ANO2: variants seen among roughly 807,000 people sequenced by gnomAD.
ANO2 encodes the protein anoctamin-2.
In ANO2, 101 loss-of-function variants were observed where a neutral mutation model predicts 124.2. That is an observed-to-expected ratio of 0.81 (90% CI 0.69 to 0.96). The LOEUF is 0.96. Ranked by LOEUF, ANO2 falls within the 40% of genes least tolerant of loss-of-function variation. ANO2 has a pLI of 0.00. For synonymous variants in ANO2, 486 were observed against 482.5 expected (o/e 1.01, Z -0.09); for missense variants, 1,293 against 1,274.5 (o/e 1.01, Z -0.22).
At chr12:5,808,173 C>G (rs1475911424) in intron 7 of ANO2, among the ~76,000 whole-genome samples, 1 of 152,132 alleles carries the variant, frequency 6.6e-6, no homozygotes, top group Non-Finnish European at 1.5e-5. Context: ...GTGAAGTTAC[C>G]CTGAGACCAA....
At chr12:5,815,527 A>C (rs1953579112) in intron 7 of ANO2, among the ~76,000 whole-genome samples, 1 of 152,172 alleles carries the variant, frequency 6.6e-6, no homozygotes, top group South Asian at 2.1e-4. Flanking sequence ...GACATGTTCT[A>C]CATAAGCAAG....
intron 4 of ANO2, among the ~76,000 whole-genome samples, chr12:5,840,223 T>G (rs1169409799): frequency 6.6e-6 from 1 of 152,154 alleles, no homozygotes; most frequent in African/African-American, 2.4e-5. Context: ...CATAAATAAT[T>G]TTTAAAATAT....
At chr12:5,934,368 T>G (rs1942559936) in intron 1 of ANO2, among the ~76,000 whole-genome samples, 2 of 152,228 alleles carry the variant, frequency 1.3e-5, no homozygotes, top group Admixed American at 6.5e-5. Flanking sequence ...CCTCACCCTT[T>G]AAAAAGGTCT....
intron 9 of ANO2, among the ~76,000 whole-genome samples, chr12:5,804,251 A>C (rs1212325723): frequency 6.6e-6 from 1 of 152,228 alleles, no homozygotes; most frequent in East Asian, 1.9e-4. Context: ...ACATACCACT[A>C]AAACTACAGA....
intron 1 of ANO2, among the ~76,000 whole-genome samples, chr12:5,923,180 A>ACACACC (rs1941872003): frequency 2.1e-5 from 1 of 46,704 alleles, no homozygotes. Context: ...ACACGCACAC[A>ACACACC]CACATACACA....
At position 5,711,241 on chromosome 12, in the gene ANO2, G is replaced by T. The variant is rs184249961; in HGVS notation, c.1545+21279C>A. On this transcript the variant is annotated intron_variant, in intron 14 of 24. Coordinates refer to ENST00000682330, the MANE Select transcript of ANO2 (RefSeq NM_001364791.2). Reference sequence around the variant, plus strand: ...TAAGTCATAGGGGCAGATCCCTCAGGAATGTCTTGGTGCCATTCTCATGGT... The same window carrying T: ...TAAGTCATAGGGGCAGATCCCTCAGTAATGTCTTGGTGCCATTCTCATGGT... Among the ~76,000 whole-genome samples, 5 of 152,234 alleles carry T rather than the reference G, an allele frequency of 3.3e-5. No individual in the cohort carries two copies. In the East Asian group the frequency reaches 9.7e-4, roughly 29 times the overall value.
rs182950446 is a variant in ANO2, at chr12:5,913,794, C to A, written c.534+7246G>T. 9.8e-5 allele frequency among the ~76,000 whole-genome samples: 15 copies of A among 152,316 alleles called. No homozygotes were observed. In the East Asian group the frequency reaches 2.9e-3, roughly 29 times the overall value. ...CACACGTGATGAGGCTCACAAAAGG[C>A]ACTCAGAAAAGTCCGTTTTCTTCCT... On this transcript the variant is annotated intron_variant, in intron 3 of 24. Transcript: ENST00000682330.
chr12:5,714,568 G>A (rs905412601), intron 14 of ANO2, among the ~76,000 whole-genome samples: 1 of 152,136 alleles, frequency 6.6e-6, no homozygotes, highest in African/African-American at 2.4e-5. Context: ...TATGGTGCTC[G>A]CTGTGGTCCA....
intron 4 of ANO2, chr12:5,839,461 C>T: frequency 2.4e-6 from 1 of 412,242 alleles, no homozygotes; most frequent in South Asian, 1.8e-5. Context: ...CTGAGCGCTA[C>T]TCCAGACTCA....
chr12:5,800,210 G>A (rs1307897353), intron 9 of ANO2, among the ~76,000 whole-genome samples: 1 of 152,212 alleles, frequency 6.6e-6, no homozygotes, highest in Non-Finnish European at 1.5e-5. Flanking sequence ...AGTGCATATG[G>A]CACATCCTAG....
intron 14 of ANO2, among the ~76,000 whole-genome samples, chr12:5,690,218 T>G (rs7965813): frequency 0.37 from 56,214 of 151,934 alleles, 12,111 homozygotes; most frequent in East Asian, 0.59. Context: ...AGTGGCAAAG[T>G]TCTCAAAAGA....
At chr12:5,854,243 T>A (rs1955019983) in intron 3 of ANO2, 102 bp from the exon 4 acceptor site, 1 of 1,056,594 alleles carries the variant, frequency 9.5e-7, no homozygotes, top group Non-Finnish European at 1.4e-6. Flanking sequence ...CCCGTTGTTC[T>A]TCAGTTTCTC....
intron 1 of ANO2, among the ~76,000 whole-genome samples, chr12:5,931,194 G>A (rs944969914): frequency 1.3e-5 from 2 of 151,950 alleles, no homozygotes; most frequent in Admixed American, 6.6e-5. Context: ...TTTCATGATC[G>A]AGTCCGCACC....
At chr12:5,886,033 G>T (rs1415746107) in intron 3 of ANO2, among the ~76,000 whole-genome samples, 1 of 152,190 alleles carries the variant, frequency 6.6e-6, no homozygotes, top group Admixed American at 6.5e-5. Context: ...TCCGAATAGA[G>T]TCCTGGCCTG....
chr12:5,820,474 C>T (rs1953754349), intron 7 of ANO2, among the ~76,000 whole-genome samples: 1 of 152,180 alleles, frequency 6.6e-6, no homozygotes, highest in Non-Finnish European at 1.5e-5. Context: ...CCAGACTAAT[C>T]CTGTGGTCAT....
intron 3 of ANO2, among the ~76,000 whole-genome samples, chr12:5,861,803 C>T (rs1015917286): frequency 6.6e-6 from 1 of 152,196 alleles, no homozygotes. Context: ...CTGGGAGCCC[C>T]ACACTCTCAG....
chr12:5,832,496 CT>C lies in ANO2; in HGVS notation c.740del (p.Lys247ArgfsTer2), dbSNP rs1954184275. The C allele has an allele frequency of 6.2e-7, 1 of 1,613,870 alleles. No homozygotes were observed. The highest frequency in any genetic ancestry group is 1.7e-5 in the Admixed American group (1 of 59,998). On this transcript the variant is annotated frameshift_variant, in exon 5 of 25. Transcript: ENST00000682330. LOFTEE classifies it high-confidence loss of function. ...QPRVPEHSNNKMKNLSYPFSR... is the reference protein window; with the variant it reads ...QPRVPEHSNNXMKNLSYPFSR... Reference sequence around the variant, plus strand: ...AGAATGGGTAGGAGAGGTTTTTCATCTTGTTGTTGCTGTGTTCTGGAACTCG... The same window carrying C: ...AGAATGGGTAGGAGAGGTTTTTCATCTGTTGTTGCTGTGTTCTGGAACTCG...
intron 3 of ANO2, among the ~76,000 whole-genome samples, chr12:5,889,187 C>T (rs2136270328): frequency 6.6e-6 from 1 of 152,340 alleles, no homozygotes; most frequent in East Asian, 1.9e-4. Context: ...TCGCGCTGGC[C>T]CCCAAGCGCC....
At chr12:5,766,589 T>TA (rs1951896775) in intron 10 of ANO2, among the ~76,000 whole-genome samples, 1 of 152,242 alleles carries the variant, frequency 6.6e-6, no homozygotes, top group African/African-American at 2.4e-5. Flanking sequence ...GGGGTGCTGA[T>TA]AATGTTTTTC....
Sources: allele counts gnomAD v4.1 joint callset (sites outside exome capture counted in the v4.1 genomes callset), GRCh38; gene constraint gnomAD v4.1.1; transcripts MANE v1.5; gene names NCBI Gene and HGNC (gene_info 2026-07-23, HGNC 2026-07-21).